The following GALNT7 variants were observed in gnomAD, a reference collection of about 807,000 sequenced individuals.
GALNT7 encodes polypeptide N-acetylgalactosaminyltransferase 7.
Under a neutral mutation model 82.1 loss-of-function variants are expected in GALNT7, and 60 were observed. That is an observed-to-expected ratio of 0.73 (90% CI 0.59 to 0.91). The LOEUF is 0.91. Among genes scored for constraint, GALNT7 ranks in the 40% least tolerant of loss-of-function variants. The pLI, the probability that GALNT7 is intolerant of heterozygous loss-of-function variation, is 0.00. For missense variants in GALNT7, 660 were observed against 804.2 expected, an observed-to-expected ratio of 0.82 and a Z score of 2.17; for synonymous variants, 243 against 275.1, an observed-to-expected ratio of 0.88 and a Z score of 1.15.
chr4:173,210,613 T>G (rs953350432), intron 1 of GALNT7, among the ~76,000 whole-genome samples: 2 of 151,862 alleles, frequency 1.3e-5, no homozygotes, highest in South Asian at 4.2e-4. Flanking sequence ...TTTTTTTTTT[T>G]GTAGACACGG....
intron 1 of GALNT7, among the ~76,000 whole-genome samples, chr4:173,171,998 T>C (rs975329346): frequency 6.6e-6 from 1 of 150,966 alleles, no homozygotes; most frequent in African/African-American, 2.4e-5. Flanking sequence ...GCAACTCGAT[T>C]CTTACCTCCT....
chr4:173,232,627 G>A (rs1734066964), intron 1 of GALNT7, among the ~76,000 whole-genome samples: 1 of 151,850 alleles, frequency 6.6e-6, no homozygotes, highest in Non-Finnish European at 1.5e-5. Context: ...TAAAGATGGG[G>A]GTCTCTCTAT....
At chr4:173,246,296 T>C (rs1216229280) in intron 1 of GALNT7, among the ~76,000 whole-genome samples, 1 of 152,244 alleles carries the variant, frequency 6.6e-6, no homozygotes, top group Non-Finnish European at 1.5e-5. Context: ...TGTTTATGTT[T>C]GTCCTTTGGA....
intron 2 of GALNT7, among the ~76,000 whole-genome samples, chr4:173,281,449 A>G (rs1736104829): frequency 6.6e-6 from 1 of 152,104 alleles, no homozygotes; most frequent in Admixed American, 6.5e-5. Flanking sequence ...TAGAGTTGCC[A>G]CATGTCATCC....
intron 1 of GALNT7, among the ~76,000 whole-genome samples, chr4:173,242,474 G>T (rs1410319908): frequency 1.3e-5 from 2 of 152,172 alleles, no homozygotes; most frequent in Admixed American, 6.5e-5. Flanking sequence ...TTCCTGTATG[G>T]ATGACATTCT....
chr4:173,183,436 C>T (rs1381438766), intron 1 of GALNT7, among the ~76,000 whole-genome samples: 1 of 151,994 alleles, frequency 6.6e-6, no homozygotes, highest in Admixed American at 6.5e-5. Context: ...AGGCTCCTTT[C>T]TGTCAAAGGA....
rs1175666811 is a variant in GALNT7, at chr4:173,298,222, G to A, written c.1073G>A (p.Trp358Ter). The A allele has an allele frequency of 2.5e-6, 4 of 1,612,472 alleles. No individual in the cohort carries two copies. Among genetic ancestry groups the A allele is most frequent in the Non-Finnish European group, 3.4e-6 (4 of 1,179,180 alleles). ...GGGTATGCCCGAGGAGCATGGGATT[G>A]GAGTATGCTCTGGAAACGGGTGCCT... ...EDGYARGAWDWSMLWKRVPLT... is the reference protein window; with the variant it reads ...EDGYARGAWD The change falls in exon 6 of 12, where the codon TGG (tryptophan) becomes TAG (stop). Residue 358 changes from tryptophan (W) to a stop codon, truncating the protein, a stop_gained. Transcript: ENST00000265000. LOFTEE classifies it high-confidence loss of function.
intron 1 of GALNT7, among the ~76,000 whole-genome samples, chr4:173,203,911 T>G (rs914066626): frequency 1.3e-5 from 2 of 152,242 alleles, no homozygotes; most frequent in African/African-American, 4.8e-5. Flanking sequence ...TTTGACTGTG[T>G]ACTTTTACCA....
At chr4:173,295,604 A>C in intron 4 of GALNT7, 78 bp downstream of exon 4, 2 of 1,412,794 alleles carry the variant, frequency 1.4e-6, no homozygotes, top group East Asian at 4.6e-5. Context: ...ATCATTCTTC[A>C]GTTTTTTTAA....
At position 173,295,862 on chromosome 4, in the gene GALNT7, T is replaced by G. The variant is rs1432858124; in HGVS notation, c.965+19T>G. The G allele has an allele frequency of 7.0e-7, 1 of 1,424,718 alleles. No individual in the cohort carries two copies. Among genetic ancestry groups the G allele is most frequent in the Non-Finnish European group, 9.9e-7 (1 of 1,007,316 alleles). 88.3% of individuals were successfully genotyped at this position (1,424,718 alleles called of 1,614,324 possible). On this transcript the variant is annotated intron_variant, in intron 5 of 11. Coordinates refer to ENST00000265000, the MANE Select transcript of GALNT7 (RefSeq NM_017423.3). ...AGGACAGGTAACATTACCTTGCTTTTTTTCTTTCCTGGTTGAAAGTAAACC... is the reference window on the plus strand; with the variant it reads ...AGGACAGGTAACATTACCTTGCTTTGTTTCTTTCCTGGTTGAAAGTAAACC...
intron 2 of GALNT7, among the ~76,000 whole-genome samples, chr4:173,267,971 T>A (rs1010535537): frequency 6.6e-6 from 1 of 152,112 alleles, no homozygotes. Context: ...TTCAGCCTTA[T>A]CTTTAAAATA....
intron 2 of GALNT7, among the ~76,000 whole-genome samples, chr4:173,263,003 G>A (rs1001935030): frequency 3.3e-5 from 5 of 152,134 alleles, no homozygotes; most frequent in South Asian, 2.1e-4. Context: ...TTAAATATGG[G>A]TACCATTTGG....
chr4:173,249,413 A>C (rs1218336086), intron 2 of GALNT7, among the ~76,000 whole-genome samples: 3 of 152,182 alleles, frequency 2.0e-5, no homozygotes, highest in Non-Finnish European at 4.4e-5. Flanking sequence ...ATAGACTTTG[A>C]GCATTCCTGT....
intron 1 of GALNT7, among the ~76,000 whole-genome samples, chr4:173,188,966 C>A (rs1407446746): frequency 6.6e-6 from 1 of 152,166 alleles, no homozygotes; most frequent in Non-Finnish European, 1.5e-5. Context: ...GGCCTTACTG[C>A]CCTCGAGGGA....
At chr4:173,234,328 T>G (rs982147861) in intron 1 of GALNT7, among the ~76,000 whole-genome samples, 1 of 152,216 alleles carries the variant, frequency 6.6e-6, no homozygotes, top group African/African-American at 2.4e-5. Flanking sequence ...TGCATAAAGA[T>G]TTGTGCCAAA....
chr4:173,192,844 A>G (rs780779545), intron 1 of GALNT7, among the ~76,000 whole-genome samples: 2 of 152,214 alleles, frequency 1.3e-5, no homozygotes, highest in Admixed American at 6.5e-5. Flanking sequence ...ACCCTGTTCC[A>G]TGGACATAGC....
intron 1 of GALNT7, among the ~76,000 whole-genome samples, chr4:173,176,248 T>C (rs1328109141): frequency 2.6e-5 from 4 of 151,934 alleles, no homozygotes; most frequent in Admixed American, 6.6e-5. Context: ...ATTCCTGAGG[T>C]TGGAATGAGG....
intron 2 of GALNT7, among the ~76,000 whole-genome samples, chr4:173,280,765 G>A (rs1736082655): frequency 1.3e-5 from 2 of 152,196 alleles, no homozygotes; most frequent in South Asian, 4.1e-4. Context: ...CCAGTAAAGT[G>A]AGAGGAATGA....
chr4:173,262,132 A>G (rs1291229393), intron 2 of GALNT7, among the ~76,000 whole-genome samples: 1 of 152,178 alleles, frequency 6.6e-6, no homozygotes, highest in African/African-American at 2.4e-5. Flanking sequence ...GAAATATATG[A>G]AGAAAATCTG....
Sources: allele counts gnomAD v4.1 joint callset (sites outside exome capture counted in the v4.1 genomes callset), GRCh38; gene constraint gnomAD v4.1.1; transcripts MANE v1.5; gene names NCBI Gene and HGNC (gene_info 2026-07-23, HGNC 2026-07-21).